Variants in ALDH3B1 observed in about 807,000 individuals in gnomAD.
ALDH3B1 encodes the protein aldehyde dehydrogenase 3 family member B1.
A neutral mutation model predicts 46.2 loss-of-function variants in ALDH3B1; 37 were observed. The ratio of observed to expected loss-of-function variants is 0.80; its 90% CI spans 0.62 to 1.05. The LOEUF is 1.05. Among genes scored for constraint, ALDH3B1 ranks in the 50% least tolerant of loss-of-function variants. The pLI, the probability that ALDH3B1 is intolerant of heterozygous loss-of-function variation, is 0.00. For synonymous variants in ALDH3B1, 283 were observed against 281.0 expected, an observed-to-expected ratio of 1.01 and a Z score of -0.07; for missense variants, 603 against 665.5, an observed-to-expected ratio of 0.91 and a Z score of 1.03.
In ALDH3B1 at chr11:68,025,052, T is replaced by C. The variant is rs1857589751; in HGVS notation, c.1117-957T>C. The C allele has an allele frequency of 4.6e-5, 7 of 152,180 alleles. No individual in the cohort carries two copies. In the South Asian group the frequency reaches 1.5e-3, roughly 32 times the overall value. 9.4% of individuals were successfully genotyped at this position (152,180 alleles called of 1,614,324 possible). A position where few individuals can be genotyped will look rare whatever the true frequency, so the allele number is the denominator to read the frequency against. On this transcript the variant is annotated intron_variant, in intron 8 of 9. Transcript: ENST00000342456. ...CTGCTTCATCTGGATACTTTCACCT[T>C]TAGAAAACTCTACAGAGGTTTTTTG...
chr11:68,011,032 G>C (rs1295152526), intron 1 of ALDH3B1, among the ~76,000 whole-genome samples: 3 of 152,220 alleles, frequency 2.0e-5, no homozygotes, highest in Admixed American at 6.5e-5. Flanking sequence ...GAGGGGATAC[G>C]CTGGTCCCTG....
At chr11:68,010,131 G>A (rs115489728), upstream of ALDH3B1, among the ~76,000 whole-genome samples, 1 of 152,144 alleles carries the variant, frequency 6.6e-6, no homozygotes, top group Non-Finnish European at 1.5e-5. Flanking sequence ...CAGCCCTGCT[G>A]TGTGGCTCTA....
At chr11:68,012,524 T>G (rs1422861085) in intron 1 of ALDH3B1, among the ~76,000 whole-genome samples, 5 of 152,178 alleles carry the variant, frequency 3.3e-5, no homozygotes, top group African/African-American at 1.2e-4. Flanking sequence ...CAGAGACCCT[T>G]GGGCCCATCA....
intron 1 of ALDH3B1, among the ~76,000 whole-genome samples, chr11:68,010,681 G>A (rs996991738): frequency 1.4e-4 from 21 of 152,170 alleles, no homozygotes; most frequent in African/African-American, 5.1e-4. Context: ...TGGGATTCCC[G>A]GACACCCTCC....
chr11:68,025,967 T>C, intron 8 of ALDH3B1, 42 bp from the exon 9 acceptor site: 1 of 1,431,178 alleles, frequency 7.0e-7, no homozygotes, highest in East Asian at 2.6e-5. Context: ...AGGATCCTGA[T>C]GGGGCTCAAG....
rs1453564013 is a variant in ALDH3B1, at chr11:68,022,104, G to A, written c.949+233G>A. Among the ~76,000 whole-genome samples, 4 of 152,162 alleles carry A rather than the reference G, an allele frequency of 2.6e-5. No individual in the cohort carries two copies. In the East Asian group the frequency reaches 7.7e-4, roughly 29 times the overall value. ...TGGATTCGCTGAGCTCAGATCCCAG[G>A]GCTCCAGGGCTCAGCGTGCTAAGAT... On this transcript the variant is annotated intron_variant, in intron 7 of 9. Coordinates refer to ENST00000342456, the MANE Select transcript of ALDH3B1 (RefSeq NM_000694.4).
At chr11:68,024,227 G>A (rs1857572345) in intron 8 of ALDH3B1, 7 of 152,228 alleles carry the variant, frequency 4.6e-5, no homozygotes, top group Admixed American at 4.6e-4. Context: ...CCACAGAGGT[G>A]AGCCTGCCTC....
chr11:68,011,834 C>T (rs187831954), intron 1 of ALDH3B1, among the ~76,000 whole-genome samples: 142 of 152,296 alleles, frequency 9.3e-4, no homozygotes, highest in African/African-American at 3.3e-3. Flanking sequence ...CTGGTACATC[C>T]GTCCTCCATG....
Position 68,019,313 on chromosome 11 carries a change from G to T in ALDH3B1, c.480+58G>T, listed in dbSNP as rs1047102002. On this transcript the variant is annotated intron_variant, in intron 5 of 9. Transcript: ENST00000342456. ...ACAGGCAAGGCTCAAGGGCTGGGCA[G>T]CCCCTGGCATGGAAGGGCCTGTCAG... The T allele has an allele frequency of 2.7e-6, 4 of 1,507,410 alleles. No individual in the cohort carries two copies. The Admixed American group carries it at 5.6e-5, about 21-fold the overall frequency. 93.4% of individuals were successfully genotyped at this position (1,507,410 alleles called of 1,614,324 possible).
intron 1 of ALDH3B1, among the ~76,000 whole-genome samples, chr11:68,012,902 C>T (rs939653054): frequency 1.3e-5 from 2 of 152,200 alleles, no homozygotes; most frequent in African/African-American, 2.4e-5. Flanking sequence ...TGAGCCTCAG[C>T]CTCCATCTCC....
intron 6 of ALDH3B1, among the ~76,000 whole-genome samples, chr11:68,021,014 A>C (rs1301811066): frequency 6.6e-6 from 1 of 152,194 alleles, no homozygotes; most frequent in Non-Finnish European, 1.5e-5. Context: ...TCAGAAAAAA[A>C]GGGCTGGGCA....
chr11:68,010,744 G>A (rs768051918), intron 1 of ALDH3B1, among the ~76,000 whole-genome samples: 9 of 152,202 alleles, frequency 5.9e-5, no homozygotes, highest in Admixed American at 3.9e-4. Context: ...AGGACTGTGC[G>A]CCCCTTCCCC....
intron 1 of ALDH3B1, among the ~76,000 whole-genome samples, chr11:68,012,994 T>TA (rs992364222): frequency 1.3e-5 from 2 of 151,690 alleles, no homozygotes; most frequent in African/African-American, 4.8e-5. Flanking sequence ...TCACACTCCT[T>TA]ACAACCTCAC....
intron 6 of ALDH3B1, 118 bp downstream of exon 6, chr11:68,019,914 G>C: frequency 9.1e-7 from 1 of 1,097,960 alleles, no homozygotes; most frequent in Non-Finnish European, 1.3e-6. Context: ...CTCTCTCTCT[G>C]GACCAGGCTG....
chr11:68,026,209 T>G (rs1857619626), intron 9 of ALDH3B1, 101 bp downstream of exon 9: 3 of 1,056,306 alleles, frequency 2.8e-6, no homozygotes, highest in Admixed American at 5.6e-5. Context: ...CACCTCAATG[T>G]AGAGGGACAG....
chr11:68,010,096 T>A (rs747318672), upstream of ALDH3B1, among the ~76,000 whole-genome samples: 2 of 152,138 alleles, frequency 1.3e-5, no homozygotes, highest in African/African-American at 2.4e-5. Context: ...CTCCTCCTCC[T>A]CAGGCTGCCC....
chr11:68,011,832 TC>T (rs888492662), intron 1 of ALDH3B1, among the ~76,000 whole-genome samples: 1 of 152,168 alleles, frequency 6.6e-6, no homozygotes, highest in African/African-American at 2.4e-5. Flanking sequence ...CTCTGGTACA[TC>T]CGTCCTCCAT....
upstream of ALDH3B1, among the ~76,000 whole-genome samples, chr11:68,009,407 C>A (rs942956654): frequency 4.6e-5 from 7 of 152,276 alleles, no homozygotes; most frequent in Admixed American, 3.9e-4. Flanking sequence ...TGTAGCAAGA[C>A]AAGCCACAGA....
chr11:68,012,086 G>A (rs1230779202), intron 1 of ALDH3B1, among the ~76,000 whole-genome samples: 1 of 151,360 alleles, frequency 6.6e-6, no homozygotes, highest in Non-Finnish European at 1.5e-5. Flanking sequence ...AGGAAACTGA[G>A]GCAGGAAGAA....
Sources: gnomAD v4.1 joint callset for allele counts (sites outside exome capture counted in the v4.1 genomes callset) on GRCh38, gnomAD v4.1.1 for gene constraint, MANE v1.5 for transcripts, NCBI Gene and HGNC (gene_info 2026-07-23, HGNC 2026-07-21) for gene names.